RABGAP1L: variants seen among roughly 807,000 people sequenced by gnomAD.
RABGAP1L encodes the protein RAB GTPase activating protein 1 like, also known as rab GTPase-activating protein 1-like.
Under a neutral mutation model 137.7 loss-of-function variants are expected in RABGAP1L, and 63 were observed. That is an observed-to-expected ratio of 0.46 (90% CI 0.37 to 0.56). The LOEUF (loss-of-function observed/expected upper bound fraction) is 0.56, where lower values mean the gene tolerates loss of function less well. Ranked by LOEUF, RABGAP1L falls within the 20% of genes least tolerant of loss-of-function variation. The pLI, the probability that RABGAP1L is intolerant of heterozygous loss-of-function variation, is 0.00. For missense variants in RABGAP1L, 1,095 were observed against 1,244.0 expected (o/e 0.88, Z 1.80); for synonymous variants, 431 against 433.7 (o/e 0.99, Z 0.08).
Position 174,724,183 on chromosome 1 carries a change from A to G in RABGAP1L, c.2169+21927A>G, listed in dbSNP as rs573353013. On this transcript the variant is annotated intron_variant, in intron 17 of 25. Transcript: ENST00000681986. ...GGATCATATATAGTTAAAATTTTAT[A>G]TTAGATTTTCTTTTATAGCCATTTA... Among the ~76,000 whole-genome samples, 7 of 152,300 alleles carry G rather than the reference A, an allele frequency of 4.6e-5. No individual in the cohort carries two copies. The East Asian group carries it at 5.8e-4, about 13-fold the overall frequency.
At chr1:174,413,591 C>T (rs1443173189) in intron 13 of RABGAP1L, among the ~76,000 whole-genome samples, 1 of 152,044 alleles carries the variant, frequency 6.6e-6, no homozygotes, top group Non-Finnish European at 1.5e-5. Context: ...TAATTTTTGT[C>T]ATTATTTTCT....
chr1:174,616,175 A>C (rs1671838340), intron 13 of RABGAP1L, among the ~76,000 whole-genome samples: 1 of 152,112 alleles, frequency 6.6e-6, no homozygotes, highest in Admixed American at 6.5e-5. Context: ...TGCGTCGCTC[A>C]TGCTAGGAGC....
intron 13 of RABGAP1L, among the ~76,000 whole-genome samples, chr1:174,539,597 C>A (rs957005704): frequency 2.6e-5 from 4 of 152,170 alleles, no homozygotes; most frequent in Non-Finnish European, 5.9e-5. Flanking sequence ...CCAGCTTCAT[C>A]CATGTACCCA....
intron 13 of RABGAP1L, chr1:174,547,754 T>G: frequency 8.5e-7 from 1 of 1,170,418 alleles, no homozygotes; most frequent in East Asian, 2.6e-5. Context: ...TCATTGTATT[T>G]GTATTTAAAT....
chr1:174,724,100 A>C (rs1022920322), intron 17 of RABGAP1L, among the ~76,000 whole-genome samples: 2 of 152,238 alleles, frequency 1.3e-5, no homozygotes, highest in African/African-American at 4.8e-5. Flanking sequence ...TTTTAAGAGT[A>C]AATGGTATAC....
intron 13 of RABGAP1L, among the ~76,000 whole-genome samples, chr1:174,634,972 A>C (rs909084507): frequency 6.7e-6 from 1 of 150,326 alleles, no homozygotes; most frequent in East Asian, 2.0e-4. Flanking sequence ...AGCATGGCAC[A>C]TGTATACATA....
At chr1:174,579,562 G>A (rs1260785248) in intron 13 of RABGAP1L, among the ~76,000 whole-genome samples, 2 of 152,306 alleles carry the variant, frequency 1.3e-5, no homozygotes, top group East Asian at 3.9e-4. Flanking sequence ...AATCACTGCA[G>A]TAGATATGAC....
intron 18 of RABGAP1L, among the ~76,000 whole-genome samples, chr1:174,786,572 C>G (rs1218699393): frequency 1.3e-5 from 2 of 152,150 alleles, no homozygotes; most frequent in East Asian, 3.8e-4. Flanking sequence ...CCCACATTCC[C>G]CAAATCAAAT....
At chr1:174,728,024 G>T (rs1394775738) in intron 17 of RABGAP1L, among the ~76,000 whole-genome samples, 6 of 152,036 alleles carry the variant, frequency 3.9e-5, no homozygotes. Context: ...GTTACATTTT[G>T]TCATTTCTAC....
rs1658259371 is a variant in RABGAP1L, at chr1:174,902,194, G to T, written c.2341-55263G>T. Among the ~76,000 whole-genome samples the T allele has an allele frequency of 1.3e-5, 2 of 152,196 alleles. 1 individual carries two copies. Among genetic ancestry groups the T allele is most frequent in the South Asian group, 4.1e-4 (2 of 4,834 alleles). The stretch of plus-strand genomic sequence containing the variant: ...AGGGACCCACCCAAAGAAGCAGTCT[G>T]GCTGCTTTTTGGTAGAGCAGGTATG... On this transcript the variant is annotated intron_variant, in intron 19 of 25. Coordinates refer to ENST00000681986, the MANE Select transcript of RABGAP1L (RefSeq NM_001366446.1).
At chr1:174,975,912 G>T in intron 21 of RABGAP1L, 166 bp from the exon 22 acceptor site, 1 of 592,402 alleles carries the variant, frequency 1.7e-6, no homozygotes, top group East Asian at 2.9e-5. Context: ...CACATAGTTG[G>T]CATTCAGTGA....
intron 19 of RABGAP1L, chr1:174,874,568 A>G (rs1455684927): frequency 1.9e-6 from 1 of 525,582 alleles, no homozygotes; most frequent in Non-Finnish European, 2.4e-6. Flanking sequence ...GTAATTCTCC[A>G]CACCACTGCC....
chr1:174,502,400 A>T (rs1447491493), intron 13 of RABGAP1L, among the ~76,000 whole-genome samples: 1 of 151,616 alleles, frequency 6.6e-6, no homozygotes, highest in East Asian at 1.9e-4. Flanking sequence ...AGAGCTTCTG[A>T]TCACATTTTT....
intron 18 of RABGAP1L, among the ~76,000 whole-genome samples, chr1:174,754,457 A>C (rs1480283718): frequency 6.6e-6 from 1 of 152,134 alleles, no homozygotes; most frequent in Non-Finnish European, 1.5e-5. Context: ...ACTTTGGAGA[A>C]GTTCAAATTG....
intron 1 of RABGAP1L, among the ~76,000 whole-genome samples, chr1:174,170,630 G>T: frequency 6.8e-6 from 1 of 147,330 alleles, no homozygotes; most frequent in African/African-American, 2.5e-5. Flanking sequence ...AGCCGAGATT[G>T]CGCCACTGCA....
intron 13 of RABGAP1L, among the ~76,000 whole-genome samples, chr1:174,532,140 T>C (rs1664461834): frequency 6.6e-6 from 1 of 151,996 alleles, no homozygotes; most frequent in African/African-American, 2.4e-5. Flanking sequence ...GACAGCTGAT[T>C]AGAGGGCCTA....
intron 13 of RABGAP1L, among the ~76,000 whole-genome samples, chr1:174,429,151 A>G (rs965443650): frequency 2.0e-5 from 3 of 152,244 alleles, no homozygotes; most frequent in Admixed American, 2.0e-4. Context: ...GGGTATTGTA[A>G]ATCATTAATC....
intron 13 of RABGAP1L, among the ~76,000 whole-genome samples, chr1:174,563,667 A>G (rs1179107542): frequency 6.6e-6 from 1 of 152,228 alleles, no homozygotes; most frequent in Non-Finnish European, 1.5e-5. Flanking sequence ...AATGAAGTAC[A>G]AAGGTGTGAA....
chr1:174,231,744 C>T (rs1223078918), intron 4 of RABGAP1L, among the ~76,000 whole-genome samples: 1 of 152,016 alleles, frequency 6.6e-6, no homozygotes, highest in Non-Finnish European at 1.5e-5. Flanking sequence ...TCTTACGTGG[C>T]AGGAGCAGGA....
Sources: allele counts gnomAD v4.1 joint callset (sites outside exome capture counted in the v4.1 genomes callset), GRCh38; gene constraint gnomAD v4.1.1; transcripts MANE v1.5; gene names NCBI Gene and HGNC (gene_info 2026-07-23, HGNC 2026-07-21).